The following LAMA2 variants were observed in gnomAD, a reference collection of about 807,000 sequenced individuals.
The protein encoded by LAMA2 is laminin subunit alpha 2, also known as laminin subunit alpha-2.
Under a neutral mutation model 364.8 loss-of-function variants are expected in LAMA2, and 269 were observed. The observed-to-expected ratio is 0.74, with a 90% confidence interval of 0.67 to 0.82. The LOEUF (loss-of-function observed/expected upper bound fraction) is 0.82. LAMA2 is among the 40% of genes least tolerant of loss of function. LAMA2 has a pLI of 0.00. For missense variants in LAMA2, 3,807 were observed against 3,873.2 expected, an observed-to-expected ratio of 0.98 and a Z score of 0.45; for synonymous variants, 1,379 against 1,370.6, an observed-to-expected ratio of 1.01 and a Z score of -0.14.
At chr6:129,023,736 A>G (rs555115800) in intron 1 of LAMA2, among the ~76,000 whole-genome samples, 3 of 152,138 alleles carry the variant, frequency 2.0e-5, no homozygotes, top group Non-Finnish European at 2.9e-5. Flanking sequence ...CTGATTTGCT[A>G]TCTTGTTCTT....
intron 20 of LAMA2, 23 bp downstream of exon 20, chr6:129,291,743 TA>T: frequency 6.7e-7 from 1 of 1,485,990 alleles, no homozygotes; most frequent in Non-Finnish European, 9.4e-7. Flanking sequence ...GGCTGACCCA[TA>T]AATTACTTTC....
intron 1 of LAMA2, among the ~76,000 whole-genome samples, chr6:128,989,386 A>T (rs1266849759): frequency 1.3e-5 from 2 of 152,238 alleles, no homozygotes; most frequent in African/African-American, 4.8e-5. Flanking sequence ...TGTATAAAAC[A>T]TCAATTTATA....
At chr6:129,278,128 G>A (rs1280795352) in intron 17 of LAMA2, among the ~76,000 whole-genome samples, 1 of 152,152 alleles carries the variant, frequency 6.6e-6, no homozygotes, top group Non-Finnish European at 1.5e-5. Flanking sequence ...CTTGAACCCA[G>A]TAGGCAGGGG....
chr6:128,974,406 G>A (rs1582802179), intron 1 of LAMA2, among the ~76,000 whole-genome samples: 4 of 152,304 alleles, frequency 2.6e-5, no homozygotes, highest in Admixed American at 2.6e-4. Context: ...ACCTATTAGA[G>A]TATCTAGCAG....
chr6:129,055,176 T>TTTATTATTATTTATTATTA lies in LAMA2; in HGVS notation c.284-4597_284-4596insTATTATTATTATTATTATT, dbSNP rs543816872. On this transcript the variant is annotated intron_variant, in intron 2 of 64. Coordinates refer to ENST00000421865, the MANE Select transcript of LAMA2 (RefSeq NM_000426.4). ...CTGGATTTACTTTACATTATTATTA[T>TTTATTATTATTTATTATTA]TTATTATTATTATTATTATTATTAT... is the stretch of plus-strand genomic sequence containing the variant. 1.4e-3 allele frequency among the ~76,000 whole-genome samples: 171 copies of TTTATTATTATTTATTATTA among 123,748 alleles called. 1 individual carries two copies. Among genetic ancestry groups the TTTATTATTATTTATTATTA allele is most frequent in the Middle Eastern group, 8.1e-3 (2 of 248 alleles). The allele number at this position is 123,748 out of a possible 152,430, so 81.2% of individuals were successfully genotyped here.
chr6:129,165,536 C>T (rs749333050), intron 8 of LAMA2, 40 bp from the exon 9 acceptor site: 1 of 1,368,708 alleles, frequency 7.3e-7, no homozygotes, highest in South Asian at 1.2e-5. Context: ...ATTGCTGTTT[C>T]TATTACACTT....
chr6:128,943,897 C>T (rs1340368804), intron 1 of LAMA2, among the ~76,000 whole-genome samples: 6 of 152,146 alleles, frequency 3.9e-5, no homozygotes, highest in Non-Finnish European at 8.8e-5. Context: ...TTTATGGCAG[C>T]AAGCTCATTT....
intron 12 of LAMA2, among the ~76,000 whole-genome samples, chr6:129,246,400 G>A (rs1421044207): frequency 1.3e-5 from 2 of 152,176 alleles, no homozygotes; most frequent in African/African-American, 4.8e-5. Context: ...AGTTATTGCA[G>A]TGCCCAACAG....
At chr6:129,208,712 AGGGAGGG>A (rs1562333905) in intron 12 of LAMA2, among the ~76,000 whole-genome samples, 1 of 113,848 alleles carries the variant, frequency 8.8e-6, no homozygotes. Context: ...AGGAAGGAAA[AGGGAGGG>A]AGGGAGGGAA....
At chr6:129,318,833 A>G (rs974235994) in intron 27 of LAMA2, among the ~76,000 whole-genome samples, 18 of 152,194 alleles carry the variant, frequency 1.2e-4, no homozygotes, top group Middle Eastern at 3.2e-3. Context: ...AAAGTTTATG[A>G]CTCAAACTCC....
intron 4 of LAMA2, among the ~76,000 whole-genome samples, chr6:129,133,082 A>C (rs1312178675): frequency 5.3e-5 from 8 of 152,236 alleles, no homozygotes; most frequent in Non-Finnish European, 1.5e-5. Context: ...AAGCATATAC[A>C]TACAAACATC....
At chr6:128,912,933 G>A (rs1484140179) in intron 1 of LAMA2, among the ~76,000 whole-genome samples, 1 of 152,148 alleles carries the variant, frequency 6.6e-6, no homozygotes, top group Non-Finnish European at 1.5e-5. Flanking sequence ...AGGGAATGGT[G>A]GGCTGTGGAG....
chr6:129,430,303 AC>A (rs1173992316), intron 41 of LAMA2, among the ~76,000 whole-genome samples: 9 of 152,068 alleles, frequency 5.9e-5, no homozygotes, highest in Non-Finnish European at 2.9e-5. Context: ...AGGCCAGTAT[AC>A]CCTCCATATT....
intron 1 of LAMA2, among the ~76,000 whole-genome samples, chr6:128,894,988 G>A (rs990621238): frequency 6.6e-6 from 1 of 152,034 alleles, no homozygotes; most frequent in African/African-American, 2.4e-5. Context: ...AGCTCTACAG[G>A]GTTGGACTAC....
intron 1 of LAMA2, among the ~76,000 whole-genome samples, chr6:128,890,715 T>C: frequency 6.6e-6 from 1 of 152,128 alleles, no homozygotes; most frequent in Non-Finnish European, 1.5e-5. Context: ...TAATTGATTC[T>C]TTATTGGCTT....
Position 129,311,994 on chromosome 6 carries a change from G to A in LAMA2, c.3175-867G>A, listed in dbSNP as rs1350478197. ...TATTATAGATTTGGCAGAGAGAACA[G>A]AGTGATGTACTTTAAGAATTATAGA... On this transcript the variant is annotated intron_variant, in intron 22 of 64. Transcript: ENST00000421865. 3.3e-5 allele frequency among the ~76,000 whole-genome samples: 5 copies of A among 152,240 alleles called. No individual in the cohort carries two copies. The East Asian group carries it at 9.6e-4, about 29-fold the overall frequency.
intron 19 of LAMA2, among the ~76,000 whole-genome samples, chr6:129,288,919 G>A (rs1789487584): frequency 6.6e-6 from 1 of 152,130 alleles, no homozygotes; most frequent in Non-Finnish European, 1.5e-5. Flanking sequence ...AAATTTATGT[G>A]AGAGACTCTT....
intron 1 of LAMA2, among the ~76,000 whole-genome samples, chr6:128,980,417 A>G (rs987084790): frequency 2.0e-5 from 3 of 152,192 alleles, no homozygotes; most frequent in African/African-American, 4.8e-5. Flanking sequence ...GTGTAGGTGA[A>G]ATTTTTGTAG....
chr6:129,314,877 A>G, intron 24 of LAMA2, 79 bp downstream of exon 24: 2 of 1,492,332 alleles, frequency 1.3e-6, no homozygotes, highest in Middle Eastern at 2.0e-4. Flanking sequence ...ACTGAGGGGT[A>G]GTAGAAAATG....
Sources: gnomAD v4.1 joint callset for allele counts (sites outside exome capture counted in the v4.1 genomes callset) on GRCh38, gnomAD v4.1.1 for gene constraint, MANE v1.5 for transcripts, NCBI Gene and HGNC (gene_info 2026-07-23, HGNC 2026-07-21) for gene names.